The following PPP1R9A variants were observed in gnomAD, a reference collection of about 807,000 sequenced individuals.
PPP1R9A encodes the protein protein phosphatase 1 regulatory subunit 9A, also known as neurabin-1.
In PPP1R9A, 59 loss-of-function variants were observed where a neutral mutation model predicts 141.9. The observed-to-expected ratio is 0.42, with a 90% CI of 0.34 to 0.52. The LOEUF (loss-of-function observed/expected upper bound fraction) is 0.52. PPP1R9A is among the 20% of genes least tolerant of loss of function. The pLI is 0.10. For synonymous variants in PPP1R9A, 500 were observed against 569.7 expected, an observed-to-expected ratio of 0.88 and a Z score of 1.74; for missense variants, 1,444 against 1,611.9, an observed-to-expected ratio of 0.90 and a Z score of 1.78.
In PPP1R9A at chr7:95,224,865, A is replaced by T. The variant is rs148699574; in HGVS notation, c.1957-1096A>T. On this transcript the variant is annotated intron_variant, in intron 7 of 19. Transcript: ENST00000433360. ...ATGGAAGTTTTTTAAAGGCAATATG[A>T]ATTCCTGTCTCTGTTTTATGTGTTA... Among the ~76,000 whole-genome samples, 33 of 152,220 alleles carry T rather than the reference A, an allele frequency of 2.2e-4. 1 individual carries two copies. The East Asian group carries it at 6.0e-3, about 28-fold the overall frequency.
intron 2 of PPP1R9A, among the ~76,000 whole-genome samples, chr7:94,978,085 G>C (rs1010212932): frequency 6.6e-6 from 1 of 152,118 alleles, no homozygotes; most frequent in Admixed American, 6.5e-5. Flanking sequence ...TGTGGTGACT[G>C]ATATGAAGGG....
At position 94,911,142 on chromosome 7, in the gene PPP1R9A, G is replaced by A. The variant is rs1791406255; in HGVS notation, c.1029G>A (p.Leu343=). 1.2e-6 allele frequency: 2 copies of A among 1,614,186 alleles called. No homozygotes were observed. Among genetic ancestry groups the A allele is most frequent in the East Asian group, 2.2e-5 (1 of 44,882 alleles). The change falls in exon 2 of 20, where the codon CTG becomes CTA. Residue 343 remains leucine, a synonymous_variant. Coordinates refer to ENST00000433360, the MANE Select transcript of PPP1R9A (RefSeq NM_001166160.2). ...KSEIPSPQSQ[L]LEDAEANLVG... is the part of the protein sequence containing the mutation. ...AAATCCCTTCACCACAAAGCCAACT[G>A]TTAGAAGATGCTGAAGCTAATTTGG...
At chr7:94,944,413 C>A (rs1029639948) in intron 2 of PPP1R9A, among the ~76,000 whole-genome samples, 1 of 151,888 alleles carries the variant, frequency 6.6e-6, no homozygotes, top group Non-Finnish European at 1.5e-5. Context: ...AAACATTTAG[C>A]GAAGTAGTTT....
At chr7:95,152,098 C>G (rs932539984) in intron 4 of PPP1R9A, among the ~76,000 whole-genome samples, 1 of 151,550 alleles carries the variant, frequency 6.6e-6, no homozygotes, top group Non-Finnish European at 1.5e-5. Flanking sequence ...ACTACAGGTG[C>G]GTGCCACCAC....
At chr7:95,072,672 TATA>T (rs1814030990) in intron 2 of PPP1R9A, among the ~76,000 whole-genome samples, 1 of 121,674 alleles carries the variant, frequency 8.2e-6, no homozygotes, top group Non-Finnish European at 1.6e-5. Context: ...TATTATATAT[TATA>T]TTACATATTA....
At chr7:95,175,773 C>T (rs1832809892) in intron 5 of PPP1R9A, among the ~76,000 whole-genome samples, 1 of 152,128 alleles carries the variant, frequency 6.6e-6, no homozygotes, top group East Asian at 1.9e-4. Context: ...ATTCATTTCA[C>T]TTTTATCCCT....
At position 95,290,991 on chromosome 7, in the gene PPP1R9A, G is replaced by T. The variant is rs899323914; in HGVS notation, c.*688G>T. ...AAGCAAAAGCCTTAAGAATGTGGAT[G>T]TGGGTATTACCTTGGGGTTCTGAGG... On this transcript the variant is annotated 3_prime_UTR_variant, in exon 20 of 20. Transcript: ENST00000433360. The T allele has an allele frequency of 4.6e-5, 7 of 152,332 alleles. No individual in the cohort carries two copies. Among genetic ancestry groups the T allele is most frequent in the African/African-American group, 1.7e-4 (7 of 41,468 alleles). The allele number at this position is 152,332 out of a possible 1,614,324, so 9.4% of individuals were successfully genotyped here. A position where few individuals can be genotyped will look rare whatever the true frequency, so the allele number is the denominator to read the frequency against.
intron 18 of PPP1R9A, among the ~76,000 whole-genome samples, chr7:95,286,708 G>A (rs1353399470): frequency 6.6e-6 from 1 of 152,004 alleles, no homozygotes; most frequent in Non-Finnish European, 1.5e-5. Context: ...ATTAGGGTGA[G>A]GTCTCTGATT....
chr7:95,208,956 T>TAAA (rs10670515), intron 7 of PPP1R9A, among the ~76,000 whole-genome samples: 9,815 of 76,714 alleles, frequency 0.13, 846 homozygotes, highest in African/African-American at 0.17. Flanking sequence ...ATAGCAAAAC[T>TAAA]AAAAAAAAAA....
At chr7:95,112,601 T>C (rs1275511203) in intron 3 of PPP1R9A, among the ~76,000 whole-genome samples, 1 of 152,192 alleles carries the variant, frequency 6.6e-6, no homozygotes, top group Admixed American at 6.5e-5. Context: ...AAGAGACTTG[T>C]GCTTGTATGT....
chr7:95,083,476 C>A (rs988326808), intron 2 of PPP1R9A, among the ~76,000 whole-genome samples: 4 of 151,866 alleles, frequency 2.6e-5, no homozygotes, highest in Non-Finnish European at 5.9e-5. Context: ...TGGCCTCTTG[C>A]TTCTGCTGTT....
intron 2 of PPP1R9A, among the ~76,000 whole-genome samples, chr7:94,954,620 T>C (rs1157653050): frequency 6.6e-6 from 1 of 151,716 alleles, no homozygotes. Flanking sequence ...GGGAATTTGG[T>C]TCACTTAGAT....
rs200577000 is a variant in PPP1R9A, at chr7:95,275,300, C to T, written c.3296+1132C>T. Among the ~76,000 whole-genome samples the T allele has an allele frequency of 3.3e-4, 49 of 150,666 alleles. No homozygotes were observed. In the East Asian group the frequency reaches 8.3e-3, roughly 26 times the overall value. On this transcript the variant is annotated intron_variant, in intron 16 of 19. Coordinates refer to ENST00000433360, the MANE Select transcript of PPP1R9A (RefSeq NM_001166160.2). ...GCGCACACCTGTAATCCCAGCTACTCGGGAGGCTGAGGCAGGAGAATTGCT... is the reference window on the plus strand; with the variant it reads ...GCGCACACCTGTAATCCCAGCTACTTGGGAGGCTGAGGCAGGAGAATTGCT...
At chr7:95,085,234 T>G (rs1237962931) in intron 2 of PPP1R9A, among the ~76,000 whole-genome samples, 1 of 151,924 alleles carries the variant, frequency 6.6e-6, no homozygotes, top group Non-Finnish European at 1.5e-5. Context: ...TTGATTTTTA[T>G]TTCTCTTATT....
chr7:94,914,997 AT>A (rs150294248), intron 2 of PPP1R9A, among the ~76,000 whole-genome samples: 3 of 151,292 alleles, frequency 2.0e-5, no homozygotes, highest in East Asian at 1.9e-4. Flanking sequence ...TTGGATTGGT[AT>A]TTTTTTTTCC....
intron 2 of PPP1R9A, among the ~76,000 whole-genome samples, chr7:94,976,576 G>A (rs944895685): frequency 5.9e-5 from 9 of 152,044 alleles, no homozygotes; most frequent in African/African-American, 2.2e-4. Flanking sequence ...TCCTGACCTC[G>A]TGATCCACCT....
At chr7:95,283,863 G>T (rs865979006) in intron 16 of PPP1R9A, among the ~76,000 whole-genome samples, 155 bp from the exon 17 acceptor site, 1 of 152,194 alleles carries the variant, frequency 6.6e-6, no homozygotes, top group Non-Finnish European at 1.5e-5. Context: ...TAACTATTAA[G>T]ATTAGTGTTG....
chr7:95,046,501 A>G (rs1261901754), intron 2 of PPP1R9A, among the ~76,000 whole-genome samples: 2 of 152,224 alleles, frequency 1.3e-5, no homozygotes, highest in African/African-American at 2.4e-5. Flanking sequence ...CTGCTATTTG[A>G]TAACACGGAA....
intron 2 of PPP1R9A, among the ~76,000 whole-genome samples, chr7:94,934,322 C>A (rs949736265): frequency 6.6e-6 from 1 of 152,166 alleles, no homozygotes; most frequent in Non-Finnish European, 1.5e-5. Context: ...ACACCTGTAA[C>A]AATTTAGACA....
Sources: gnomAD v4.1 joint callset for allele counts (sites outside exome capture counted in the v4.1 genomes callset) on GRCh38, gnomAD v4.1.1 for gene constraint, MANE v1.5 for transcripts, NCBI Gene and HGNC (gene_info 2026-07-23, HGNC 2026-07-21) for gene names.